The following N4BP2L1 variants were observed in gnomAD, a reference collection of about 807,000 sequenced individuals.
N4BP2L1 encodes NEDD4 binding protein 2 like 1.
In N4BP2L1, 12 loss-of-function variants were observed where a neutral mutation model predicts 21.2. The ratio of observed to expected loss-of-function variants is 0.57; its 90% CI spans 0.36 to 0.92. The LOEUF is 0.92. N4BP2L1 is among the 40% of genes least tolerant of loss of function. The probability of loss-of-function intolerance (pLI) is 0.01; values close to 1 mark genes in which losing one functional copy is unlikely to be tolerated. For missense variants in N4BP2L1, 259 were observed against 310.6 expected (o/e 0.83, Z 1.25); for synonymous variants, 104 against 112.8 (o/e 0.92, Z 0.49).
chr13:32,403,698 T>C (rs1162166411), intron 4 of N4BP2L1: 1 of 535,790 alleles, frequency 1.9e-6, no homozygotes, highest in African/African-American at 1.9e-5. Context: ...ACTCGGATTT[T>C]AATAGCCACC....
chr13:32,417,334 T>A (rs953272970), intron 1 of N4BP2L1, among the ~76,000 whole-genome samples: 3 of 152,134 alleles, frequency 2.0e-5, no homozygotes, highest in Non-Finnish European at 2.9e-5. Flanking sequence ...GTTACCCTCA[T>A]GCTGTTCTCA....
chr13:32,425,167 G>A (rs2074693382), intron 1 of N4BP2L1: 1 of 152,162 alleles, frequency 6.6e-6, no homozygotes, highest in South Asian at 2.1e-4. Context: ...ATATACATGT[G>A]TATTTTTAAA....
chr13:32,419,358 G>A, intron 1 of N4BP2L1: 1 of 415,214 alleles, frequency 2.4e-6, no homozygotes, highest in South Asian at 1.7e-5. Context: ...TGATTCTCCT[G>A]CCTCAGCCTC....
chr13:32,411,528 C>G (rs747477250), intron 1 of N4BP2L1: 1 of 985,260 alleles, frequency 1.0e-6, no homozygotes, highest in Non-Finnish European at 1.2e-6. Flanking sequence ...CAATAAATAC[C>G]ATTCCATCAG....
Sources: gnomAD v4.1 joint callset for allele counts (sites outside exome capture counted in the v4.1 genomes callset) on GRCh38, gnomAD v4.1.1 for gene constraint, MANE v1.5 for transcripts, NCBI Gene and HGNC (gene_info 2026-07-23, HGNC 2026-07-21) for gene names.